NAALADL2: variants seen among roughly 807,000 people sequenced by gnomAD.
NAALADL2 encodes inactive N-acetylated-alpha-linked acidic dipeptidase-like protein 2.
In NAALADL2, 76 loss-of-function variants were observed where a neutral mutation model predicts 87.2. The ratio of observed to expected loss-of-function variants is 0.87; its 90% CI spans 0.72 to 1.05. The LOEUF (loss-of-function observed/expected upper bound fraction) is 1.05, where lower values mean the gene tolerates loss of function less well. Ranked by LOEUF, NAALADL2 falls within the 50% of genes least tolerant of loss-of-function variation. The pLI is 0.00. For synonymous variants in NAALADL2, 354 were observed against 331.0 expected (o/e 1.07, Z -0.75); for missense variants, 1,089 against 945.8 (o/e 1.15, Z -1.99).
intron 5 of NAALADL2, among the ~76,000 whole-genome samples, chr3:175,333,952 T>C (rs779416436): frequency 1.3e-5 from 2 of 152,162 alleles, no homozygotes; most frequent in Non-Finnish European, 2.9e-5. Flanking sequence ...ACCATATATA[T>C]GTATAAATAT....
chr3:174,481,498 C>CAGAA (rs899558097), intron 1 of NAALADL2, among the ~76,000 whole-genome samples: 5 of 151,962 alleles, frequency 3.3e-5, no homozygotes, highest in South Asian at 4.1e-4. Context: ...TTAGAGGCAA[C>CAGAA]AGATTCAAGT....
At chr3:175,371,916 A>G (rs1326789417) in intron 5 of NAALADL2, among the ~76,000 whole-genome samples, 1 of 152,144 alleles carries the variant, frequency 6.6e-6, no homozygotes, top group East Asian at 1.9e-4. Context: ...TACATCCACA[A>G]AGCGTTCCTT....
chr3:174,754,878 G>C (rs947620551), intron 3 of NAALADL2, among the ~76,000 whole-genome samples: 5 of 152,040 alleles, frequency 3.3e-5, no homozygotes, highest in African/African-American at 1.2e-4. Context: ...TTTGTGATAG[G>C]TTTTATTGTT....
intron 1 of NAALADL2, among the ~76,000 whole-genome samples, chr3:174,949,699 G>A (rs1263127731): frequency 1.3e-5 from 2 of 152,158 alleles, no homozygotes; most frequent in African/African-American, 4.8e-5. Context: ...ACAATTCACT[G>A]CAGAGAAATG....
At chr3:174,732,444 G>C (rs562233485) in intron 2 of NAALADL2, among the ~76,000 whole-genome samples, 1 of 152,104 alleles carries the variant, frequency 6.6e-6, no homozygotes, top group East Asian at 1.9e-4. Context: ...TATATGAAAA[G>C]GATTGTAGAA....
chr3:175,234,214 C>T lies in NAALADL2; in HGVS notation c.819+10C>T, dbSNP rs1745451960. 1.2e-6 allele frequency: 2 copies of T among 1,609,534 alleles called. No individual in the cohort carries two copies. Among genetic ancestry groups the T allele is most frequent in the African/African-American group, 1.3e-5 (1 of 74,718 alleles). ...CAAAGGAACTCTCAAGGTAATATGA[C>T]CATTTGTCTCTGTCATTTACAGTGA... On this transcript the variant is annotated intron_variant, in intron 3 of 13. Transcript: ENST00000454872.
intron 2 of NAALADL2, among the ~76,000 whole-genome samples, chr3:175,127,805 G>T (rs548344216): frequency 6.6e-6 from 1 of 152,030 alleles, no homozygotes; most frequent in African/African-American, 2.4e-5. Flanking sequence ...CATGGCTTGA[G>T]CTCAGGAGTT....
chr3:175,599,221 A>G (rs567749204), intron 10 of NAALADL2, among the ~76,000 whole-genome samples: 1 of 152,246 alleles, frequency 6.6e-6, no homozygotes, highest in African/African-American at 2.4e-5. Flanking sequence ...ATTATGTGGT[A>G]TATTCATTTG....
chr3:174,785,723 G>A (rs1233442076), intron 3 of NAALADL2, among the ~76,000 whole-genome samples: 3 of 152,148 alleles, frequency 2.0e-5, no homozygotes. Context: ...ACAGAATACA[G>A]TCATAGTGAT....
chr3:175,354,905 T>C lies in NAALADL2; in HGVS notation c.1090+30580T>C, dbSNP rs201051454. On this transcript the variant is annotated intron_variant, in intron 5 of 13. Coordinates refer to ENST00000454872, the MANE Select transcript of NAALADL2 (RefSeq NM_207015.3). The stretch of plus-strand genomic sequence containing the variant: ...ATACACACACACACACACACACACA[T>C]ATACACACATATATATGTGTGTATA... 2.2e-3 allele frequency among the ~76,000 whole-genome samples: 282 copies of C among 130,462 alleles called. 1 individual carries two copies. Among genetic ancestry groups the C allele is most frequent in the Non-Finnish European group, 3.5e-3 (212 of 59,800 alleles). 85.6% of individuals were successfully genotyped at this position (130,462 alleles called of 152,430 possible).
At chr3:175,576,574 T>A (rs1718929677) in intron 10 of NAALADL2, among the ~76,000 whole-genome samples, 1 of 152,210 alleles carries the variant, frequency 6.6e-6, no homozygotes, top group Non-Finnish European at 1.5e-5. Flanking sequence ...TATGTTAATG[T>A]GAGCCTTGTG....
At chr3:175,637,900 G>A (rs751813665) in intron 11 of NAALADL2, among the ~76,000 whole-genome samples, 3 of 152,134 alleles carry the variant, frequency 2.0e-5, no homozygotes, top group Non-Finnish European at 4.4e-5. Flanking sequence ...TATCAGAGAT[G>A]CATATTTAGG....
At chr3:175,013,459 C>T (rs1328612306) in intron 1 of NAALADL2, among the ~76,000 whole-genome samples, 1 of 149,598 alleles carries the variant, frequency 6.7e-6, no homozygotes, top group Non-Finnish European at 1.5e-5. Context: ...CCACCACGCC[C>T]AGCTAATTTT....
chr3:174,744,018 A>G (rs573003885), intron 3 of NAALADL2, among the ~76,000 whole-genome samples: 3 of 152,014 alleles, frequency 2.0e-5, no homozygotes, highest in East Asian at 1.9e-4. Context: ...TTATACATTG[A>G]TTAAGTTTGT....
chr3:174,959,653 T>C (rs1741694091), intron 1 of NAALADL2, among the ~76,000 whole-genome samples: 1 of 152,064 alleles, frequency 6.6e-6, no homozygotes. Flanking sequence ...ATCTATTGCA[T>C]GGGAAATAGT....
intron 5 of NAALADL2, among the ~76,000 whole-genome samples, chr3:175,330,907 G>T (rs991444816): frequency 2.6e-4 from 39 of 151,992 alleles, no homozygotes; most frequent in African/African-American, 9.2e-4. Flanking sequence ...CCACTGATTA[G>T]ATTAACAAAT....
chr3:174,701,261 T>A (rs1182304316), intron 2 of NAALADL2, among the ~76,000 whole-genome samples: 1 of 151,412 alleles, frequency 6.6e-6, no homozygotes, highest in African/African-American at 2.4e-5. Context: ...ATAATTATTA[T>A]ATCAAATTAT....
intron 2 of NAALADL2, among the ~76,000 whole-genome samples, chr3:175,214,629 C>G (rs192766845): frequency 6.6e-6 from 1 of 152,108 alleles, no homozygotes; most frequent in East Asian, 1.9e-4. Context: ...ATAGAGTCTT[C>G]TACAGACAAG....
chr3:174,722,046 G>T (rs1171144204), intron 2 of NAALADL2, among the ~76,000 whole-genome samples: 2 of 152,166 alleles, frequency 1.3e-5, no homozygotes, highest in Non-Finnish European at 2.9e-5. Context: ...GGGAGCAAAA[G>T]AAGCCTATGG....
Sources: gnomAD v4.1 joint callset for allele counts (sites outside exome capture counted in the v4.1 genomes callset) on GRCh38, gnomAD v4.1.1 for gene constraint, MANE v1.5 for transcripts, NCBI Gene and HGNC (gene_info 2026-07-23, HGNC 2026-07-21) for gene names.